ADPRHL1: variants seen among roughly 807,000 people sequenced by gnomAD.
ADPRHL1 encodes inactive ADP-ribosyltransferase ARH2.
In ADPRHL1, 43 loss-of-function variants were observed where a neutral mutation model predicts 44.1. The ratio of observed to expected loss-of-function variants is 0.98; its 90% CI spans 0.76 to 1.26. The LOEUF is 1.26. ADPRHL1 is among the 50% of genes most tolerant of loss of function. The pLI, the probability that ADPRHL1 is intolerant of heterozygous loss-of-function variation, is 0.00. For missense variants in ADPRHL1, 2,022 were observed against 2,496.9 expected (o/e 0.81, Z 4.05); for synonymous variants, 878 against 1,017.4 (o/e 0.86, Z 2.61).
chr13:113,403,568 C>T lies in ADPRHL1; in HGVS notation c.5714G>A (p.Gly1905Glu), dbSNP rs994327100. Reference sequence around the variant, plus strand: ...CTCAGCCCCAGGGTGGTCTGGGGACCCCTCCTGGGCCGGGGCCTGGGGAGT... The same window carrying T: ...CTCAGCCCCAGGGTGGTCTGGGGACTCCTCCTGGGCCGGGGCCTGGGGAGT... Reference protein sequence around the residue: ...CGTPQAPAQEGSPDHPGAERA... With the variant: ...CGTPQAPAQEESPDHPGAERA... Residue 1905 changes from glycine (G) to glutamate (E), a missense_variant, in exon 8 of 8, where the codon GGG (glycine) becomes GAG (glutamate). Physicochemically the swap from Gly to Glu is moderately conservative, Grantham distance 98. Coordinates refer to ENST00000612156, the MANE Select transcript of ADPRHL1 (RefSeq NM_001394807.1). 1 of 1,231,740 alleles carries T rather than the reference C, an allele frequency of 8.1e-7. No homozygotes were observed. The highest frequency in any genetic ancestry group is 3.2e-5 in the East Asian group (1 of 31,672). 76.3% of individuals were successfully genotyped at this position (1,231,740 alleles called of 1,614,324 possible).
intron 2 of ADPRHL1, among the ~76,000 whole-genome samples, chr13:113,437,038 AGG>A (rs2044064680): frequency 1.3e-5 from 2 of 148,352 alleles, no homozygotes; most frequent in Admixed American, 6.7e-5. Context: ...CTCGGCACCC[AGG>A]CGCAGGGTGA....
intron 4 of ADPRHL1, 52 bp from the exon 5 acceptor site, chr13:113,425,231 G>T: frequency 6.4e-7 from 1 of 1,559,310 alleles, no homozygotes. Context: ...ATGGAGTGGG[G>T]CGGGTGCAGG....
At chr13:113,423,081 G>T in intron 6 of ADPRHL1, 102 bp from the exon 7 acceptor site, 1 of 1,492,102 alleles carries the variant, frequency 6.7e-7, no homozygotes. Context: ...CCCCAATTCT[G>T]CTGGGGGCAG....
At position 113,405,907 on chromosome 13, in the gene ADPRHL1, C is replaced by T. The variant is rs2043804841; in HGVS notation, c.3375G>A (p.Thr1125=). Residue 1125 remains threonine, a synonymous_variant, in exon 8 of 8, where the codon ACG becomes ACA. Coordinates refer to ENST00000612156, the MANE Select transcript of ADPRHL1 (RefSeq NM_001394807.1). Reference sequence around the variant, plus strand: ...GGGTGCTGCCTGGCGCTGGTGCAGGCGTGGCGCGGCTCGCAACGCTCCCTG... The same window carrying T: ...GGGTGCTGCCTGGCGCTGGTGCAGGTGTGGCGCGGCTCGCAACGCTCCCTG... ...AAAGSVASRA[T]PAPAPGSTQS... 7.3e-6 allele frequency: 9 copies of T among 1,232,046 alleles called. No homozygotes were observed. The highest frequency in any genetic ancestry group is 1.5e-5 in the African/African-American group (1 of 64,544). 76.3% of individuals were successfully genotyped at this position (1,232,046 alleles called of 1,614,324 possible). A position where few individuals can be genotyped will look rare whatever the true frequency, so the allele number is the denominator to read the frequency against.
Position 113,453,212 on chromosome 13 carries a change from G to A in ADPRHL1, c.214+12C>T, listed in dbSNP as rs1453041025. Reference sequence around the variant, plus strand: ...CCAGCCCGCACACCGGAGCGCGGTGGGCCCAGCCTACCTGTGGTGAGGGCC... The same window carrying A: ...CCAGCCCGCACACCGGAGCGCGGTGAGCCCAGCCTACCTGTGGTGAGGGCC... On this transcript the variant is annotated intron_variant, in intron 1 of 7. Transcript: ENST00000612156. The surrounding 1 kb of genome is among the most constrained non-coding windows in gnomAD (Gnocchi z 5.4). 1.2e-6 allele frequency: 2 copies of A among 1,613,740 alleles called. No individual in the cohort carries two copies. The highest frequency in any genetic ancestry group is 2.2e-5 in the South Asian group (2 of 91,050).
At chr13:113,415,471 G>C (rs2043882453) in intron 7 of ADPRHL1, among the ~76,000 whole-genome samples, 1 of 152,150 alleles carries the variant, frequency 6.6e-6, no homozygotes, top group South Asian at 2.1e-4. Flanking sequence ...AAAAGAGAAG[G>C]GCTGGGTGCG....
In ADPRHL1 at chr13:113,424,215, A is replaced by C; in HGVS notation, c.907+2T>G. 1 of 1,612,502 alleles carries C rather than the reference A, an allele frequency of 6.2e-7. No individual in the cohort carries two copies. Among genetic ancestry groups the C allele is most frequent in the South Asian group, 1.1e-5 (1 of 91,056 alleles). On this transcript the variant is annotated splice_donor_variant, in intron 6 of 7. Transcript: ENST00000612156. LOFTEE classifies it high-confidence loss of function. ...AGCCACGGCCATTAAGGAACATCTC[A>C]CCTCCATGAAACATGGCCCGGTGAC...
chr13:113,414,800 C>T (rs1361499792), intron 7 of ADPRHL1, among the ~76,000 whole-genome samples: 1 of 152,060 alleles, frequency 6.6e-6, no homozygotes, highest in African/African-American at 2.4e-5. Context: ...CTCAGCCTCC[C>T]AAGTAGCTGG....
intron 7 of ADPRHL1, among the ~76,000 whole-genome samples, chr13:113,414,405 A>G (rs2043876709): frequency 7.1e-6 from 1 of 140,146 alleles, no homozygotes; most frequent in Non-Finnish European, 1.5e-5. Flanking sequence ...CCCTTGGCAG[A>G]TTGGCCCCCA....
intron 1 of ADPRHL1, among the ~76,000 whole-genome samples, chr13:113,445,545 C>T (rs1022910277): frequency 6.6e-6 from 1 of 152,214 alleles, no homozygotes; most frequent in Non-Finnish European, 1.5e-5. Flanking sequence ...TCTGGGCTTG[C>T]GGGTCAGCCC....
At position 113,407,518 on chromosome 13, in the gene ADPRHL1, C is replaced by G; in HGVS notation, c.1764G>C (p.Pro588=). Residue 588 remains proline, a synonymous_variant, in exon 8 of 8, where the codon CCG becomes CCC. Coordinates refer to ENST00000612156, the MANE Select transcript of ADPRHL1 (RefSeq NM_001394807.1). Reference sequence around the variant, plus strand: ...TGGCCGTGTGCAGCACGCGCACCTCCGGCCGGTGCATCCTCTTCCTCTGCA... The same window carrying G: ...TGGCCGTGTGCAGCACGCGCACCTCGGGCCGGTGCATCCTCTTCCTCTGCA... ...RNLQRKRMHR[P]EVRVLHTATM... is the part of the protein sequence containing the mutation. 1 of 1,232,270 alleles carries G rather than the reference C, an allele frequency of 8.1e-7. No homozygotes were observed. Among genetic ancestry groups the G allele is most frequent in the Non-Finnish European group, 1.0e-6 (1 of 988,134 alleles). 76.3% of individuals were successfully genotyped at this position (1,232,270 alleles called of 1,614,324 possible).
Position 113,453,300 on chromosome 13 carries a change from G to C in ADPRHL1, c.138C>G (p.Leu46=). 6.2e-7 allele frequency: 1 copy of C among 1,614,166 alleles called. No individual in the cohort carries two copies. Among genetic ancestry groups the C allele is most frequent in the African/African-American group, 1.3e-5 (1 of 75,030 alleles). ...ELQRSGGLDH[L]VLSPGEWPVS... ...CGGGCCATTCTCCTGGCGAGAGTAC[G>C]AGGTGGTCCAGGCCCCCGGAACGTT... The change falls in exon 1 of 8, where the codon CTC becomes CTG. Residue 46 remains leucine (L), a synonymous_variant. Coordinates refer to ENST00000612156, the MANE Select transcript of ADPRHL1 (RefSeq NM_001394807.1). The surrounding 1 kb of genome is among the most constrained non-coding windows in gnomAD (Gnocchi z 5.4).
At position 113,409,687 on chromosome 13, in the gene ADPRHL1, C is replaced by A. The variant is rs1329842185; in HGVS notation, c.1062-1467G>T. 3 of 847,476 alleles carry A rather than the reference C, an allele frequency of 3.5e-6. No homozygotes were observed. Among genetic ancestry groups the A allele is most frequent in the Admixed American group, 6.2e-5 (1 of 16,072 alleles). 52.5% of individuals were successfully genotyped at this position (847,476 alleles called of 1,614,324 possible). A position where few individuals can be genotyped will look rare whatever the true frequency, so the allele number is the denominator to read the frequency against. ...AGATCACGAGGTCAGGAGATCGAGA[C>A]CATCCTGGATAACACGGTGAAACCC... is the stretch of plus-strand genomic sequence containing the variant. On this transcript the variant is annotated intron_variant, in intron 7 of 7. Transcript: ENST00000612156. This position sits in a 1 kb window ranked among gnomAD's most constrained non-coding sequence, Gnocchi z 4.2.
chr13:113,425,855 A>C (rs2043964707), intron 4 of ADPRHL1, among the ~76,000 whole-genome samples: 1 of 151,560 alleles, frequency 6.6e-6, no homozygotes, highest in African/African-American at 2.4e-5. Flanking sequence ...TAATTTTTGT[A>C]TTTTTAGTAG....
intron 3 of ADPRHL1, among the ~76,000 whole-genome samples, chr13:113,430,068 A>C (rs1440942676): frequency 6.6e-6 from 1 of 152,230 alleles, no homozygotes; most frequent in Non-Finnish European, 1.5e-5. Context: ...CGCAGTCCAC[A>C]CAGCCAGCCC....
At chr13:113,430,526 T>G (rs1354769406) in intron 3 of ADPRHL1, among the ~76,000 whole-genome samples, 1 of 152,026 alleles carries the variant, frequency 6.6e-6, no homozygotes, top group Non-Finnish European at 1.5e-5. Flanking sequence ...ACAATGGTGG[T>G]GGTACTCGTG....
At chr13:113,446,835 C>T (rs372096443) in intron 1 of ADPRHL1, among the ~76,000 whole-genome samples, 8 of 151,988 alleles carry the variant, frequency 5.3e-5, no homozygotes, top group South Asian at 2.1e-4. Context: ...TCTACATGCA[C>T]GGTGTTGTGT....
At chr13:113,427,338 C>G (rs2043974775) in intron 4 of ADPRHL1, among the ~76,000 whole-genome samples, 1 of 152,206 alleles carries the variant, frequency 6.6e-6, no homozygotes, top group Non-Finnish European at 1.5e-5. Flanking sequence ...GTCAGGGCGA[C>G]TCTCCTGGGG....
chr13:113,405,999 T>G lies in ADPRHL1; in HGVS notation c.3283A>C (p.Asn1095His). The stretch of plus-strand genomic sequence containing the variant: ...GGTTCATTTAATGAGGACAGTGGGT[T>G]CTCGCGAACATCATGGCTGGTGATT... Reference protein sequence around the residue: ...EEITSHDVRENPLSSLNEPPK... With the variant: ...EEITSHDVREHPLSSLNEPPK... The change falls in exon 8 of 8, where the codon AAC becomes CAC. Residue 1095 changes from asparagine (N) to histidine (H), a missense_variant. By Grantham distance (68) the Asn-to-His change is moderately conservative (BLOSUM62 1). Transcript: ENST00000612156. 1 of 1,232,102 alleles carries G rather than the reference T, an allele frequency of 8.1e-7. No individual in the cohort carries two copies. Among genetic ancestry groups the G allele is most frequent in the Non-Finnish European group, 1.0e-6 (1 of 988,024 alleles). The allele number at this position is 1,232,102 out of a possible 1,614,324, so 76.3% of individuals were successfully genotyped here.
Sources: allele counts gnomAD v4.1 joint callset (sites outside exome capture counted in the v4.1 genomes callset), GRCh38; gene constraint gnomAD v4.1.1; non-coding constraint Gnocchi (gnomAD v3.1); transcripts MANE v1.5; gene names NCBI Gene and HGNC (gene_info 2026-07-23, HGNC 2026-07-21).